Variants in PCDH7 observed in about 807,000 individuals in gnomAD.
PCDH7 encodes protocadherin 7.
A neutral mutation model predicts 58.9 loss-of-function variants in PCDH7; 17 were observed. The ratio of observed to expected loss-of-function variants is 0.29; its 90% confidence interval spans 0.20 to 0.43. The LOEUF (loss-of-function observed/expected upper bound fraction) is 0.43. Among genes scored for constraint, PCDH7 ranks in the 20% least tolerant of loss-of-function variants. The pLI is 1.00. For missense variants in PCDH7, 1,274 were observed against 1,441.0 expected (o/e 0.88, Z 1.88); for synonymous variants, 664 against 616.4 (o/e 1.08, Z -1.14).
chr4:30,885,270 C>T (rs1737557507), intron 1 of PCDH7: 1 of 152,168 alleles, frequency 6.6e-6, no homozygotes, highest in South Asian at 2.1e-4. Context: ...ACAGACTCTG[C>T]AGCCACGTTG....
chr4:30,952,494 A>G (rs1464058306), intron 3 of PCDH7, among the ~76,000 whole-genome samples: 14 of 152,080 alleles, frequency 9.2e-5, no homozygotes, highest in Non-Finnish European at 1.6e-4. Context: ...TTTGAGAAAA[A>G]AGAAGCAAAA....
chr4:31,032,479 A>G (rs1297763988), intron 3 of PCDH7, among the ~76,000 whole-genome samples: 1 of 151,784 alleles, frequency 6.6e-6, no homozygotes, highest in Admixed American at 6.6e-5. Flanking sequence ...GTGGTAGTGC[A>G]TGACTGTAAT....
At chr4:30,967,432 G>A (rs751154390) in intron 3 of PCDH7, among the ~76,000 whole-genome samples, 5 of 152,142 alleles carry the variant, frequency 3.3e-5, no homozygotes, top group South Asian at 2.1e-4. Flanking sequence ...GTCTGCATAC[G>A]ATGTCTTTCT....
At chr4:30,737,580 G>T (rs914417100), downstream of PCDH7, among the ~76,000 whole-genome samples, 1 of 152,076 alleles carries the variant, frequency 6.6e-6, no homozygotes, top group African/African-American at 2.4e-5. Context: ...CTTATCACTT[G>T]TTTGATCTTG....
intron 1 of PCDH7, among the ~76,000 whole-genome samples, chr4:30,858,798 T>C (rs1300115220): frequency 6.6e-6 from 1 of 152,150 alleles, no homozygotes; most frequent in Non-Finnish European, 1.5e-5. Context: ...AGATTCCACA[T>C]GAAGTCTTTT....
chr4:31,120,860 A>T (rs1046711342), intron 3 of PCDH7, among the ~76,000 whole-genome samples: 1 of 152,196 alleles, frequency 6.6e-6, no homozygotes, highest in African/African-American at 2.4e-5. Context: ...CCTCTGGGAA[A>T]TGAATACAAC....
chr4:31,114,553 T>A (rs1716749162), intron 3 of PCDH7, among the ~76,000 whole-genome samples: 1 of 151,822 alleles, frequency 6.6e-6, no homozygotes, highest in South Asian at 2.1e-4. Flanking sequence ...AATTGCATCA[T>A]TAAAGTATGA....
intron 3 of PCDH7, among the ~76,000 whole-genome samples, chr4:31,079,307 AAGAT>A (rs1474060447): frequency 3.3e-5 from 3 of 92,176 alleles, no homozygotes; most frequent in Non-Finnish European, 6.5e-5. Flanking sequence ...ACAATACTGG[AAGAT>A]ATATATATAT....
chr4:30,897,747 A>C (rs1578210876), intron 1 of PCDH7, among the ~76,000 whole-genome samples: 1 of 152,212 alleles, frequency 6.6e-6, no homozygotes, highest in Admixed American at 6.5e-5. Context: ...CTTTGAAATA[A>C]ATTATACAGG....
chr4:31,002,171 A>G (rs71598137), intron 3 of PCDH7, among the ~76,000 whole-genome samples: 1 of 152,204 alleles, frequency 6.6e-6, no homozygotes, highest in Non-Finnish European at 1.5e-5. Context: ...ACACACTTGG[A>G]AAATATTAGC....
At chr4:30,861,828 T>A (rs377547244) in intron 1 of PCDH7, among the ~76,000 whole-genome samples, 92 of 152,184 alleles carry the variant, frequency 6.0e-4, no homozygotes, top group African/African-American at 2.1e-3. Flanking sequence ...CAGACAGAGG[T>A]TGTATATAAG....
chr4:31,033,223 G>A (rs942297865), intron 3 of PCDH7, among the ~76,000 whole-genome samples: 1 of 152,126 alleles, frequency 6.6e-6, no homozygotes, highest in East Asian at 1.9e-4. Flanking sequence ...TGGACCTCAC[G>A]GATGGTATCT....
At chr4:30,924,143 G>A (rs1171052531) in intron 2 of PCDH7, among the ~76,000 whole-genome samples, 1 of 152,102 alleles carries the variant, frequency 6.6e-6, no homozygotes, top group East Asian at 1.9e-4. Context: ...CTACCTTCAT[G>A]CCATGACCTA....
At chr4:31,081,248 G>C (rs962534953) in intron 3 of PCDH7, among the ~76,000 whole-genome samples, 2 of 152,164 alleles carry the variant, frequency 1.3e-5, no homozygotes, top group African/African-American at 4.8e-5. Flanking sequence ...ATTTGGTTAT[G>C]TTTTCTAAAT....
At chr4:30,959,561 G>A (rs991548937) in intron 3 of PCDH7, among the ~76,000 whole-genome samples, 2 of 152,134 alleles carry the variant, frequency 1.3e-5, no homozygotes, top group Non-Finnish European at 2.9e-5. Flanking sequence ...TTGCACAGAA[G>A]TATGTTTCCT....
At position 30,979,349 on chromosome 4, in the gene PCDH7, GA is replaced by G. The variant is rs1038971086; in HGVS notation, c.*7+29143del. 8.2e-5 allele frequency among the ~76,000 whole-genome samples: 12 copies of G among 146,932 alleles called. No individual in the cohort carries two copies. In the South Asian group the frequency reaches 1.1e-3, roughly 13 times the overall value. On this transcript the variant is annotated intron_variant, in intron 3 of 3. Coordinates refer to the PCDH7 transcript ENST00000509759. ...TCAAAAAAAAAAAAAAGAAAAAAAA[GA>G]AAAAAAAATTTGGTACTACCTGAAA...
At chr4:30,767,668 T>C (rs1181981378) in intron 1 of PCDH7, among the ~76,000 whole-genome samples, 5 of 152,198 alleles carry the variant, frequency 3.3e-5, no homozygotes, top group Non-Finnish European at 5.9e-5. Context: ...GTCAGGAAAC[T>C]CTTAGTCTCC....
intron 1 of PCDH7, among the ~76,000 whole-genome samples, chr4:30,875,669 T>C (rs935776193): frequency 3.3e-5 from 5 of 152,104 alleles, no homozygotes; most frequent in Non-Finnish European, 7.4e-5. Flanking sequence ...CTGGACTCAC[T>C]TGGGTCATGT....
chr4:30,806,226 A>G (rs2109309863), intron 1 of PCDH7, among the ~76,000 whole-genome samples: 1 of 151,980 alleles, frequency 6.6e-6, no homozygotes, highest in East Asian at 1.9e-4. Flanking sequence ...TACTAGCCTG[A>G]CTCTGGAAAG....
Sources: allele counts gnomAD v4.1 joint callset (sites outside exome capture counted in the v4.1 genomes callset), GRCh38; gene constraint gnomAD v4.1.1; transcripts MANE v1.5; gene names NCBI Gene and HGNC (gene_info 2026-07-23, HGNC 2026-07-21).